The following COG4 variants were observed in gnomAD, a reference collection of about 807,000 sequenced individuals.
COG4 encodes component of oligomeric golgi complex 4.
COG4 carries 65 observed loss-of-function variants against 95.1 expected under a neutral mutation model. That is an observed-to-expected ratio of 0.68 (90% CI 0.56 to 0.84). The LOEUF (loss-of-function observed/expected upper bound fraction) is 0.84. Ranked by LOEUF, COG4 falls within the 40% of genes least tolerant of loss-of-function variation. COG4 has a pLI of 0.00. For missense variants in COG4, 1,045 were observed against 989.1 expected, an observed-to-expected ratio of 1.06 and a Z score of -0.76; for synonymous variants, 421 against 374.8, an observed-to-expected ratio of 1.12 and a Z score of -1.42.
Position 70,481,038 on chromosome 16 carries a change from C to T in COG4, c.2342G>A (p.Ser781Asn), listed in dbSNP as rs1407223681. 5.0e-6 allele frequency: 8 copies of T among 1,613,136 alleles called. No homozygotes were observed. In the Admixed American group the frequency reaches 6.7e-5, roughly 13 times the overall value. Residue 781 changes from serine (S) to asparagine (N), a missense_variant, in exon 19 of 19, where the codon AGT becomes AAT. Physicochemically the swap from Ser to Asn is conservative, Grantham distance 46. Coordinates refer to ENST00000323786, the MANE Select transcript of COG4 (RefSeq NM_015386.3). The stretch of plus-strand genomic sequence containing the variant: ...CAGGCGCAGCCTCTTGATATCTTCA[C>T]TGCGGAAGTCTATCCGCAGGGCCAG... The part of the protein sequence containing the change: ...QVLALRIDFR[S>N]EDIKRLRL
At chr16:70,503,438 T>A (rs16970226) in intron 8 of COG4, among the ~76,000 whole-genome samples, 1 of 152,112 alleles carries the variant, frequency 6.6e-6, no homozygotes, top group African/African-American at 2.4e-5. Flanking sequence ...ACAGCCTGAC[T>A]CTAATGATCT....
intron 3 of COG4, among the ~76,000 whole-genome samples, chr16:70,515,377 T>C (rs2049799988): frequency 6.6e-6 from 1 of 152,050 alleles, no homozygotes; most frequent in South Asian, 2.1e-4. Context: ...ACCAACTCAC[T>C]ATTAAGGTTT....
chr16:70,518,016 C>T (rs1400260996), intron 2 of COG4, among the ~76,000 whole-genome samples: 2 of 152,000 alleles, frequency 1.3e-5, no homozygotes, highest in Non-Finnish European at 2.9e-5. Flanking sequence ...CTGCAACCTC[C>T]GCCTCCCGGG....
rs1000920120 is a variant in COG4 at position 70,496,214 on chromosome 16, GC to G, written c.1647+51del. 2.8e-5 allele frequency: 44 copies of G among 1,598,856 alleles called. No individual in the cohort carries two copies. The African/African-American group carries it at 5.1e-4, about 19-fold the overall frequency. On this transcript the variant is annotated intron_variant, in intron 12 of 18. Transcript: ENST00000323786. ...ATTATACTGTGGCTTAGCAGTGATA[GC>G]GTAACCTCTCGAGATAAACCAACCC...
chr16:70,508,562 G>C (rs1377285928), intron 7 of COG4, 98 bp from the exon 8 acceptor site: 1 of 1,062,708 alleles, frequency 9.4e-7, no homozygotes, highest in Non-Finnish European at 1.5e-6. Flanking sequence ...AGAACATTTA[G>C]ATTTAGTTTG....
At position 70,482,737 on chromosome 16, in the gene COG4, T is replaced by C. The variant is rs1355815182; in HGVS notation, c.1912A>G (p.Ile638Val). Reference sequence around the variant, plus strand: ...CCTGTGGCCAGGCTAACCTCCTCGATGTTGTGGGAGACGGAGAAAAAGCTG... The same window carrying C: ...CCTGTGGCCAGGCTAACCTCCTCGACGTTGTGGGAGACGGAGAAAAAGCTG... ...INSFFSVSHN[I>V]EEEEFNDYEA... The change falls in exon 15 of 19, where the codon ATC becomes GTC. Residue 638 changes from isoleucine to valine, a missense_variant. Transcript: ENST00000323786. The C allele has an allele frequency of 2.5e-6, 4 of 1,613,668 alleles. No individual in the cohort carries two copies. The East Asian group carries it at 6.7e-5, about 27-fold the overall frequency.
intron 5 of COG4, 108 bp downstream of exon 5, chr16:70,512,131 G>A: frequency 9.6e-7 from 1 of 1,041,106 alleles, no homozygotes; most frequent in Non-Finnish European, 1.5e-6. Context: ...AGGAAGGGGA[G>A]TCATATCCAG....
At chr16:70,510,139 T>G in intron 5 of COG4, 118 bp from the exon 6 acceptor site, 1 of 813,086 alleles carries the variant, frequency 1.2e-6, no homozygotes, top group Non-Finnish European at 2.1e-6. Flanking sequence ...TCCCTTGATG[T>G]CTGGAAGCCC....
intron 1 of COG4, 109 bp from the exon 2 acceptor site, chr16:70,519,840 T>G: frequency 2.5e-6 from 2 of 807,422 alleles, no homozygotes; most frequent in Non-Finnish European, 4.2e-6. Flanking sequence ...AGTCCTTTTT[T>G]CCTTCCACTA....
chr16:70,515,012 C>CTTTTTT (rs545289187), intron 3 of COG4, among the ~76,000 whole-genome samples: 4 of 140,544 alleles, frequency 2.8e-5, no homozygotes, highest in African/African-American at 1.1e-4. Context: ...CAGAGCCCAA[C>CTTTTTT]TTTTTTTTTT....
intron 2 of COG4, among the ~76,000 whole-genome samples, chr16:70,518,851 C>T (rs1196254778): frequency 1.3e-5 from 2 of 151,990 alleles, no homozygotes; most frequent in African/African-American, 4.8e-5. Context: ...GTGGCACATG[C>T]CTGGAATCCC....
At chr16:70,520,251 C>T (rs1400972046) in intron 1 of COG4, among the ~76,000 whole-genome samples, 3 of 151,908 alleles carry the variant, frequency 2.0e-5, no homozygotes, top group Admixed American at 6.6e-5. Context: ...CTGGATAACA[C>T]GGTGAAACCC....
At chr16:70,490,954 C>T (rs1016162601) in intron 12 of COG4, among the ~76,000 whole-genome samples, 9 of 151,828 alleles carry the variant, frequency 5.9e-5, no homozygotes, top group Admixed American at 2.0e-4. Flanking sequence ...CCACTGCGCC[C>T]GGCGAGGTTT....
At chr16:70,502,280 CAAAAAAAAAAAAAAAAAA>C (rs59805765) in intron 8 of COG4, among the ~76,000 whole-genome samples, 1 of 19,112 alleles carries the variant, frequency 5.2e-5, no homozygotes, top group Non-Finnish European at 1.3e-4. Context: ...GACTCCGTCT[CAAAAAAAAAAAAAAAAAA>C]AAAAAAAAAA....
intron 9 of COG4, among the ~76,000 whole-genome samples, chr16:70,499,465 G>A (rs1363839459): frequency 1.3e-5 from 2 of 152,236 alleles, no homozygotes; most frequent in Non-Finnish European, 2.9e-5. Flanking sequence ...CACAAGCCAT[G>A]CAGAATGCCA....
rs767668394 is a variant in COG4, at chr16:70,481,799, A to G, written c.2071T>C (p.Leu691=). Residue 691 remains leucine, a synonymous_variant, in exon 17 of 19, where the codon TTG becomes CTG. Coordinates refer to ENST00000323786, the MANE Select transcript of COG4 (RefSeq NM_015386.3). ...GLMTSLVAVE[L]EKVVLKSTFN... is the part of the protein sequence containing the mutation. ...GTGGATTTCAGCACCACTTTCTCCA[A>G]CTCGACGGCAACAAGGCTAGTCATG... 1 of 1,613,936 alleles carries G rather than the reference A, an allele frequency of 6.2e-7. No homozygotes were observed. Among genetic ancestry groups the G allele is most frequent in the Non-Finnish European group, 8.5e-7 (1 of 1,179,980 alleles).
intron 3 of COG4, among the ~76,000 whole-genome samples, chr16:70,516,357 C>G (rs1313121962): frequency 6.6e-6 from 1 of 150,778 alleles, no homozygotes; most frequent in Non-Finnish European, 1.5e-5. Flanking sequence ...AGTGCAGAGG[C>G]GCCATCTCGG....
intron 12 of COG4, among the ~76,000 whole-genome samples, chr16:70,492,566 C>T (rs1567726893): frequency 6.6e-6 from 1 of 150,834 alleles, no homozygotes; most frequent in Non-Finnish European, 1.5e-5. Context: ...GAGGCTGAGA[C>T]AGAAGAATCA....
chr16:70,506,470 C>T (rs1018972438), intron 8 of COG4, among the ~76,000 whole-genome samples: 6 of 149,740 alleles, frequency 4.0e-5, no homozygotes, highest in Non-Finnish European at 8.9e-5. Context: ...CACCTGCCTA[C>T]AGTCCCAGCT....
Sources: gnomAD v4.1 joint callset for allele counts (sites outside exome capture counted in the v4.1 genomes callset) on GRCh38, gnomAD v4.1.1 for gene constraint, MANE v1.5 for transcripts, NCBI Gene and HGNC (gene_info 2026-07-23, HGNC 2026-07-21) for gene names.